B3GALT1: variants seen among roughly 807,000 people sequenced by gnomAD.
B3GALT1 encodes UDP-Gal:betaGlcNAc beta 1,3-galactosyltransferase, polypeptide 1.
B3GALT1 carries 10 observed loss-of-function variants against 23.2 expected under a neutral mutation model. The observed-to-expected ratio is 0.43, with a 90% CI of 0.27 to 0.73. The LOEUF (loss-of-function observed/expected upper bound fraction) is 0.73. Ranked by LOEUF, B3GALT1 falls within the 30% of genes least tolerant of loss-of-function variation. The pLI is 0.21. For synonymous variants in B3GALT1, 156 were observed against 141.5 expected, an observed-to-expected ratio of 1.10 and a Z score of -0.73; for missense variants, 299 against 405.4, an observed-to-expected ratio of 0.74 and a Z score of 2.25.
chr2:167,354,720 C>A (rs564130465), intron 1 of B3GALT1, among the ~76,000 whole-genome samples: 1 of 152,248 alleles, frequency 6.6e-6, no homozygotes, highest in African/African-American at 2.4e-5. Context: ...ACCTACTGCC[C>A]AGTTTGTTAA....
At chr2:167,726,919 G>T (rs1687326078) in intron 3 of B3GALT1, among the ~76,000 whole-genome samples, 1 of 152,164 alleles carries the variant, frequency 6.6e-6, no homozygotes, top group Admixed American at 6.6e-5. Flanking sequence ...TATGTCACAT[G>T]CTCATTCACC....
chr2:167,825,165 G>A (rs1226568953), intron 4 of B3GALT1, among the ~76,000 whole-genome samples: 1 of 151,530 alleles, frequency 6.6e-6, no homozygotes, highest in African/African-American at 2.4e-5. Flanking sequence ...GGCACCTGTA[G>A]TCCAGCTGCT....
chr2:167,659,045 A>G (rs1686009706), intron 3 of B3GALT1, among the ~76,000 whole-genome samples: 1 of 152,108 alleles, frequency 6.6e-6, no homozygotes, highest in Non-Finnish European at 1.5e-5. Context: ...TTTAGTTATC[A>G]CTACTATTCA....
chr2:167,655,917 G>GCA (rs1685948127), intron 3 of B3GALT1, among the ~76,000 whole-genome samples: 1 of 151,996 alleles, frequency 6.6e-6, no homozygotes, highest in African/African-American at 2.4e-5. Context: ...AAATATCCAT[G>GCA]CACACACACA....
chr2:167,763,672 C>A, intron 3 of B3GALT1, among the ~76,000 whole-genome samples: 3 of 107,190 alleles, frequency 2.8e-5, no homozygotes, highest in African/African-American at 7.1e-5. Flanking sequence ...ACCTGAGTGT[C>A]AGAGCAAGAC....
At chr2:167,541,614 T>G (rs2105374085) in intron 2 of B3GALT1, among the ~76,000 whole-genome samples, 1 of 152,282 alleles carries the variant, frequency 6.6e-6, no homozygotes, top group South Asian at 2.1e-4. Context: ...TCTTTTTATC[T>G]GTACAGATAG....
chr2:167,484,342 G>A (rs563177048), intron 1 of B3GALT1, among the ~76,000 whole-genome samples: 1 of 152,222 alleles, frequency 6.6e-6, no homozygotes, highest in East Asian at 1.9e-4. Flanking sequence ...GGTTTATTTT[G>A]AGCCAAATAC....
intron 1 of B3GALT1, among the ~76,000 whole-genome samples, chr2:167,337,139 G>C (rs1300181718): frequency 1.3e-5 from 2 of 152,162 alleles, no homozygotes; most frequent in Non-Finnish European, 2.9e-5. Flanking sequence ...CAAAACTGCA[G>C]TGGGATGTAA....
intron 2 of B3GALT1, among the ~76,000 whole-genome samples, chr2:167,633,251 T>A (rs1486628395): frequency 3.3e-5 from 5 of 151,782 alleles, no homozygotes; most frequent in South Asian, 2.1e-4. Context: ...TCACTGAGGT[T>A]GAAATGAAGG....
At chr2:167,665,613 A>G (rs1330946132) in intron 3 of B3GALT1, among the ~76,000 whole-genome samples, 2 of 151,610 alleles carry the variant, frequency 1.3e-5, no homozygotes, top group Non-Finnish European at 2.9e-5. Flanking sequence ...TTGGTTGGTA[A>G]GCTATTGATT....
intron 1 of B3GALT1, among the ~76,000 whole-genome samples, chr2:167,412,756 G>T (rs1698410785): frequency 1.3e-5 from 2 of 152,164 alleles, no homozygotes; most frequent in African/African-American, 2.4e-5. Flanking sequence ...AAATAAATGT[G>T]TACATCTCTT....
intron 3 of B3GALT1, among the ~76,000 whole-genome samples, chr2:167,680,266 G>A (rs962980386): frequency 6.6e-6 from 1 of 152,160 alleles, no homozygotes; most frequent in African/African-American, 2.4e-5. Flanking sequence ...GAGTCACCAC[G>A]TTGCTAAAAG....
intron 1 of B3GALT1, among the ~76,000 whole-genome samples, chr2:167,418,500 A>G (rs1574071164): frequency 6.6e-6 from 1 of 152,132 alleles, no homozygotes; most frequent in East Asian, 1.9e-4. Context: ...CCATAAAAAA[A>G]CAATTTTCCA....
At chr2:167,593,056 T>C (rs978042729) in intron 2 of B3GALT1, among the ~76,000 whole-genome samples, 8 of 152,180 alleles carry the variant, frequency 5.3e-5, no homozygotes, top group Non-Finnish European at 1.2e-4. Flanking sequence ...TAGCATAACC[T>C]CTTTGGAGGG....
At chr2:167,413,473 A>G (rs552486140) in intron 1 of B3GALT1, among the ~76,000 whole-genome samples, 51 of 152,128 alleles carry the variant, frequency 3.4e-4, no homozygotes, top group Non-Finnish European at 5.9e-4. Flanking sequence ...AAAATCCTCA[A>G]TCCAATTTTT....
chr2:167,430,128 TA>T (rs1177352432), intron 1 of B3GALT1, among the ~76,000 whole-genome samples: 14 of 152,150 alleles, frequency 9.2e-5, no homozygotes, highest in Non-Finnish European at 4.4e-5. Context: ...GTCTCAGTTT[TA>T]AGTAAGGTAG....
intron 2 of B3GALT1, among the ~76,000 whole-genome samples, chr2:167,540,392 T>A (rs1416148575): frequency 6.6e-6 from 1 of 152,186 alleles, no homozygotes; most frequent in Non-Finnish European, 1.5e-5. Flanking sequence ...AATTAGAATT[T>A]ATGTTTTAAT....
At chr2:167,736,834 T>C (rs1687499920) in intron 3 of B3GALT1, among the ~76,000 whole-genome samples, 2 of 152,162 alleles carry the variant, frequency 1.3e-5, no homozygotes, top group African/African-American at 4.8e-5. Context: ...CTCGGGAGGC[T>C]GAGGCATGAG....
chr2:167,622,203 T>C (rs1479755808), intron 2 of B3GALT1, among the ~76,000 whole-genome samples: 1 of 152,098 alleles, frequency 6.6e-6, no homozygotes, highest in African/African-American at 2.4e-5. Context: ...TGAACCACTT[T>C]AGCCAATGAT....
Sources: gnomAD v4.1 joint callset for allele counts (sites outside exome capture counted in the v4.1 genomes callset) on GRCh38, gnomAD v4.1.1 for gene constraint, MANE v1.5 for transcripts, NCBI Gene and HGNC (gene_info 2026-07-23, HGNC 2026-07-21) for gene names.